Variants in MED24 observed in about 807,000 individuals in gnomAD.
The protein encoded by MED24 is mediator of RNA polymerase II transcription subunit 24.
MED24 carries 74 observed loss-of-function variants against 118.8 expected under a neutral mutation model. The observed-to-expected ratio is 0.62, with a 90% confidence interval of 0.52 to 0.76. MED24 has a LOEUF of 0.76. Ranked by LOEUF, MED24 falls within the 30% of genes least tolerant of loss-of-function variation. The pLI, the probability that MED24 is intolerant of heterozygous loss-of-function variation, is 0.00. For synonymous variants in MED24, 521 were observed against 523.9 expected (o/e 0.99, Z 0.08); for missense variants, 1,041 against 1,278.9 (o/e 0.81, Z 2.84).
chr17:40,023,253 C>T lies in MED24; in HGVS notation c.2128G>A (p.Val710Met). 6.2e-7 allele frequency: 1 copy of T among 1,614,206 alleles called. No homozygotes were observed. The highest frequency in any genetic ancestry group is 8.5e-7 in the Non-Finnish European group (1 of 1,180,024). The change falls in exon 20 of 26, where the codon GTG (valine) becomes ATG (methionine). Residue 710 changes from valine (V) to methionine (M), a missense_variant. By Grantham distance (21) the Val-to-Met change is conservative (BLOSUM62 1). Around this residue, in one of 3 missense-constraint regions of MED24, gnomAD observed 587 missense variants for 694.4 expected, o/e 0.85. Coordinates refer to ENST00000394128, the MANE Select transcript of MED24 (RefSeq NM_014815.4). ...ACCTTGGCAAAAATGTCCGTCAGCA[C>T]CTCTTTGATGGGCCGCTTGGGGGGC... ...LLPPKRPIKE[V>M]LTDIFAKVLE...
chr17:40,022,285 C>T, intron 22 of MED24, 109 bp downstream of exon 22: 1 of 1,201,306 alleles, frequency 8.3e-7, no homozygotes, highest in Non-Finnish European at 1.2e-6. Flanking sequence ...GGCACAGCTG[C>T]CCCAAGGGCA....
rs1490834304 is a variant in MED24 at position 40,031,260 on chromosome 17, G to C, written c.1068-15C>G. 1.3e-6 allele frequency: 2 copies of C among 1,557,120 alleles called. No homozygotes were observed. Among genetic ancestry groups the C allele is most frequent in the South Asian group, 2.4e-5 (2 of 84,504 alleles). On this transcript the variant is annotated splice_polypyrimidine_tract_variant and intron_variant, in intron 11 of 25. Coordinates refer to ENST00000394128, the MANE Select transcript of MED24 (RefSeq NM_014815.4). ...TACAGTCACAGCTGTGAGGGAGAAA[G>C]ATGCTGAGGGAACTGGGCACCTGGA...
chr17:40,035,932 G>C, intron 4 of MED24, 137 bp from the exon 5 acceptor site: 1 of 1,077,850 alleles, frequency 9.3e-7, no homozygotes, highest in Admixed American at 2.1e-5. Context: ...CTCAACACTG[G>C]ACATTGGCTC....
intron 3 of MED24, among the ~76,000 whole-genome samples, chr17:40,038,776 C>T (rs1329946170): frequency 6.6e-6 from 1 of 151,968 alleles, no homozygotes; most frequent in African/African-American, 2.4e-5. Context: ...GCAAACTTTC[C>T]ATCCATGTGC....
At chr17:40,036,540 T>C (rs868718896) in intron 3 of MED24, among the ~76,000 whole-genome samples, 70 of 151,916 alleles carry the variant, frequency 4.6e-4, no homozygotes, top group Non-Finnish European at 2.2e-4. Context: ...AATTAAAAAT[T>C]AGCTGGGTGT....
At chr17:40,020,594 C>A in intron 23 of MED24, 9 of 749,618 alleles carry the variant, frequency 1.2e-5, no homozygotes, top group Non-Finnish European at 2.1e-6. Flanking sequence ...TTGAGACCAG[C>A]CTTGGCAACT....
At chr17:40,034,991 AG>A in intron 6 of MED24, 125 bp downstream of exon 6, 2 of 1,611,958 alleles carry the variant, frequency 1.2e-6, no homozygotes, top group Non-Finnish European at 1.7e-6. Flanking sequence ...GAGAAAAAAA[AG>A]GAAGTGGGAT....
At chr17:40,043,384 G>A (rs1984759870) in intron 3 of MED24, among the ~76,000 whole-genome samples, 1 of 152,174 alleles carries the variant, frequency 6.6e-6, no homozygotes, top group African/African-American at 2.4e-5. Context: ...AGGTTCAAGA[G>A]GCTGAAGGGA....
Position 40,033,013 on chromosome 17 carries a change from C to A in MED24, c.822+43G>T. 6.2e-7 allele frequency: 1 copy of A among 1,609,400 alleles called. No homozygotes were observed. The highest frequency in any genetic ancestry group is 8.5e-7 in the Non-Finnish European group (1 of 1,178,090). On this transcript the variant is annotated intron_variant, in intron 8 of 25. Transcript: ENST00000394128. The surrounding 1 kb of genome is among the most constrained non-coding windows in gnomAD (Gnocchi z 5.2). ...AATCCTCCCTCCTGCCCCCAACAGG[C>A]TGGCCTGCCTTGGAGAAGGGAGAGC... is the stretch of plus-strand genomic sequence containing the variant.
chr17:40,026,054 C>T (rs1436193099), intron 19 of MED24, 102 bp downstream of exon 19: 19 of 1,175,288 alleles, frequency 1.6e-5, no homozygotes, highest in East Asian at 7.1e-5. Flanking sequence ...GATCAAGTAG[C>T]GTGTTTGCGA....
At chr17:40,026,515 T>C in intron 18 of MED24, 132 bp downstream of exon 18, 14 of 1,139,404 alleles carry the variant, frequency 1.2e-5, no homozygotes, top group Non-Finnish European at 1.8e-5. Context: ...AAGACAACGA[T>C]TACACAAAAT....
chr17:40,050,169 A>AG (rs1275356866), intron 3 of MED24, among the ~76,000 whole-genome samples: 2 of 145,138 alleles, frequency 1.4e-5, no homozygotes, highest in Non-Finnish European at 3.0e-5. Context: ...AAAAAAAAAA[A>AG]AGAGAGATAC....
intron 3 of MED24, among the ~76,000 whole-genome samples, chr17:40,040,793 A>G (rs547093420): frequency 1.3e-5 from 2 of 151,014 alleles, no homozygotes; most frequent in East Asian, 4.0e-4. Flanking sequence ...TTATTTTTGT[A>G]TTAGTAGAGA....
chr17:40,031,825 AAC>A (rs1052874332), intron 10 of MED24, among the ~76,000 whole-genome samples: 2 of 152,052 alleles, frequency 1.3e-5, no homozygotes, highest in Non-Finnish European at 1.5e-5. Flanking sequence ...CACACGCTGA[AAC>A]ACACACACTG....
intron 6 of MED24, 195 bp downstream of exon 6, chr17:40,034,922 G>T (rs1416457340): frequency 6.5e-7 from 1 of 1,550,280 alleles, no homozygotes; most frequent in East Asian, 2.4e-5. Context: ...ATACCTGTTG[G>T]TTGATTGGCT....
chr17:40,023,284 G>T lies in MED24; in HGVS notation c.2097C>A (p.Asn699Lys). 3.1e-6 allele frequency: 5 copies of T among 1,614,170 alleles called. No individual in the cohort carries two copies. Among genetic ancestry groups the T allele is most frequent in the East Asian group, 2.2e-5 (1 of 44,882 alleles). ...STGVDTMPYWNLLPPKRPIKE... is the reference protein window; with the variant it reads ...STGVDTMPYWKLLPPKRPIKE... ...TGATGGGCCGCTTGGGGGGCAGCAG[G>T]TTCCAGTAGGGCATTGTGTCCACCC... The change falls in exon 20 of 26, where the codon AAC becomes AAA. Residue 699 changes from asparagine (N) to lysine (K), a missense_variant. Asn to Lys is a moderately conservative substitution (Grantham distance 94, BLOSUM62 0). Transcript: ENST00000394128.
At chr17:40,046,662 C>T (rs1431187938) in intron 3 of MED24, among the ~76,000 whole-genome samples, 1 of 150,354 alleles carries the variant, frequency 6.7e-6, no homozygotes, top group Non-Finnish European at 1.5e-5. Context: ...AGGAGAATGG[C>T]GTGAACCCGG....
At chr17:40,022,159 C>T in intron 22 of MED24, 105 bp from the exon 23 acceptor site, 1 of 985,692 alleles carries the variant, frequency 1.0e-6, no homozygotes, top group East Asian at 2.6e-5. Flanking sequence ...GCATGGCTAG[C>T]AGGGCCTCAG....
chr17:40,034,864 C>A, intron 6 of MED24: 2 of 230,706 alleles, frequency 8.7e-6, no homozygotes, highest in South Asian at 5.2e-5. Context: ...CCCCACCCCC[C>A]ACCCCCAGCA....
Sources: gnomAD v4.1 joint callset for allele counts (sites outside exome capture counted in the v4.1 genomes callset) on GRCh38, gnomAD v4.1.1 for gene constraint, gnomAD v4.1.1 regional missense constraint, Gnocchi (gnomAD v3.1) non-coding constraint, MANE v1.5 for transcripts, NCBI Gene and HGNC (gene_info 2026-07-23, HGNC 2026-07-21) for gene names.